The following PARVB variants were observed in gnomAD, a reference collection of about 807,000 sequenced individuals.
PARVB encodes the protein beta-parvin.
A neutral mutation model predicts 47.0 loss-of-function variants in PARVB; 46 were observed. The observed-to-expected ratio is 0.98, with a 90% CI of 0.77 to 1.25. The LOEUF (loss-of-function observed/expected upper bound fraction) is 1.25. Among genes scored for constraint, PARVB ranks in the 50% most tolerant of loss-of-function variants. PARVB has a pLI of 0.00. For missense variants in PARVB, 473 were observed against 471.6 expected (o/e 1.00, Z -0.03); for synonymous variants, 196 against 196.3 (o/e 1.00, Z 0.01).
intron 1 of PARVB, among the ~76,000 whole-genome samples, chr22:44,025,460 G>A (rs1443275472): frequency 1.3e-5 from 2 of 152,118 alleles, no homozygotes; most frequent in East Asian, 3.9e-4. Flanking sequence ...GTGCCCCCAT[G>A]CACCTGCTCC....
In PARVB at chr22:44,139,774, C is replaced by T. The variant is rs753900213; in HGVS notation, c.693-350C>T. On this transcript the variant is annotated intron_variant, in intron 7 of 12. Transcript: ENST00000338758. The stretch of plus-strand genomic sequence containing the variant: ...CCCAGCCTGTGTTTTGAGCGTTCCA[C>T]GGCTGCTGGAAGACCTGTTGTCTGC... 4.7e-5 allele frequency: 14 copies of T among 294,976 alleles called. No individual in the cohort carries two copies. The East Asian group carries it at 5.1e-4, about 11-fold the overall frequency. The allele number at this position is 294,976 out of a possible 1,614,324, so 18.3% of individuals were successfully genotyped here. A position where few individuals can be genotyped will look rare whatever the true frequency, so the allele number is the denominator to read the frequency against.
Position 44,131,585 on chromosome 22 carries a change from C to T in PARVB, c.475C>T (p.Leu159=). The change falls in exon 5 of 13, where the codon CTG becomes TTG. Residue 159 remains leucine, a synonymous_variant. Coordinates refer to ENST00000338758, the MANE Select transcript of PARVB (RefSeq NM_013327.5). The part of the protein sequence containing the change: ...LQTVLEAVHD[L]LRPRGWALRW... ...GACGGTGCTGGAAGCAGTACATGACCTGCTGCGGCCCCGAGGCTGGGCGCT... is the reference window on the plus strand; with the variant it reads ...GACGGTGCTGGAAGCAGTACATGACTTGCTGCGGCCCCGAGGCTGGGCGCT... 1.2e-6 allele frequency: 2 copies of T among 1,614,138 alleles called. No homozygotes were observed. The highest frequency in any genetic ancestry group is 1.7e-5 in the Admixed American group (1 of 60,018).
At chr22:44,027,073 G>T (rs2050742991) in intron 1 of PARVB, among the ~76,000 whole-genome samples, 1 of 152,066 alleles carries the variant, frequency 6.6e-6, no homozygotes, top group Non-Finnish European at 1.5e-5. Context: ...GGCGTGTCAC[G>T]TGGTGGCCTG....
intron 1 of PARVB, among the ~76,000 whole-genome samples, chr22:44,078,165 AG>A (rs2051820084): frequency 1.3e-5 from 2 of 152,166 alleles, no homozygotes; most frequent in South Asian, 4.1e-4. Context: ...TCCTTAGCTC[AG>A]GCAAGCTACT....
chr22:44,036,261 A>C (rs1277061682), intron 1 of PARVB, among the ~76,000 whole-genome samples: 1 of 152,212 alleles, frequency 6.6e-6, no homozygotes, highest in East Asian at 1.9e-4. Flanking sequence ...TCTCAAAAAA[A>C]TAAAATAAAT....
chr22:44,105,116 CAG>C (rs773641511), intron 3 of PARVB: 1 of 152,234 alleles, frequency 6.6e-6, no homozygotes, highest in Non-Finnish European at 1.5e-5. Context: ...CCTCCGTGTC[CAG>C]AGTTTCTGCT....
intron 1 of PARVB, among the ~76,000 whole-genome samples, chr22:44,051,004 G>T (rs911350594): frequency 1.3e-5 from 2 of 152,168 alleles, no homozygotes; most frequent in Admixed American, 1.3e-4. Flanking sequence ...GGCACTGGGC[G>T]CCTAGCTCCT....
At chr22:44,013,669 G>C (rs751139303) in intron 2 of PARVB, among the ~76,000 whole-genome samples, 1 of 152,042 alleles carries the variant, frequency 6.6e-6, no homozygotes, top group Non-Finnish European at 1.5e-5. Flanking sequence ...GTCTCACTCT[G>C]TCTCCCAGGC....
chr22:44,087,470 G>A (rs1344891799), intron 1 of PARVB, among the ~76,000 whole-genome samples: 1 of 152,190 alleles, frequency 6.6e-6, no homozygotes, highest in African/African-American at 2.4e-5. Flanking sequence ...TGATTGCAGG[G>A]GCGCCTTGCC....
intron 2 of PARVB, among the ~76,000 whole-genome samples, chr22:44,017,600 C>T (rs1049578130): frequency 2.6e-5 from 4 of 152,156 alleles, no homozygotes; most frequent in Non-Finnish European, 5.9e-5. Flanking sequence ...TTCAAATTAG[C>T]AATAACCAAA....
chr22:44,171,494 C>CAA lies in PARVB; in HGVS notation c.*2827_*2828dup, dbSNP rs112562506. ...TGAGCAACAGAGTGAGACTCTGTCT[C>CAA]AAAAAAAAAAAAGAAAGAAAAAAGA... On this transcript the variant is annotated 3_prime_UTR_variant, in exon 13 of 13. Transcript: ENST00000338758. 53,971 of 138,852 alleles carry CAA rather than the reference C, an allele frequency of 0.39. 11,267 individuals are homozygous for CAA. The highest frequency in any genetic ancestry group is 0.53 in the African/African-American group (19,915 of 37,422). 8.6% of individuals were successfully genotyped at this position (138,852 alleles called of 1,614,324 possible). A position where few individuals can be genotyped will look rare whatever the true frequency, so the allele number is the denominator to read the frequency against.
intron 8 of PARVB, chr22:44,144,783 A>C (rs928940919): frequency 2.6e-5 from 4 of 152,332 alleles, no homozygotes; most frequent in Non-Finnish European, 5.9e-5. Context: ...TGACAGAGTG[A>C]GACTCTGTCT....
At chr22:44,016,099 CT>C (rs562590606) in intron 2 of PARVB, among the ~76,000 whole-genome samples, 76 of 129,138 alleles carry the variant, frequency 5.9e-4, no homozygotes, top group Non-Finnish European at 8.8e-4. Context: ...TTCTTTCTTT[CT>C]TTTTTTTTTT....
intron 1 of PARVB, among the ~76,000 whole-genome samples, chr22:44,041,416 C>T (rs983909396): frequency 3.3e-5 from 5 of 152,026 alleles, no homozygotes; most frequent in South Asian, 2.1e-4. Flanking sequence ...CGCTTGAACC[C>T]GGGAGGTGGA....
At chr22:44,054,683 C>T (rs1329554607) in intron 1 of PARVB, among the ~76,000 whole-genome samples, 4 of 152,054 alleles carry the variant, frequency 2.6e-5, no homozygotes, top group African/African-American at 9.7e-5. Context: ...GCCACTGAAC[C>T]GTACACTTAA....
At chr22:44,079,738 G>A (rs1455273211) in intron 1 of PARVB, among the ~76,000 whole-genome samples, 1 of 152,156 alleles carries the variant, frequency 6.6e-6, no homozygotes, top group African/African-American at 2.4e-5. Flanking sequence ...GACCAGCCTG[G>A]CCAACATGGT....
intron 5 of PARVB, among the ~76,000 whole-genome samples, chr22:44,132,326 C>T (rs1424919229): frequency 3.3e-5 from 5 of 152,140 alleles, no homozygotes; most frequent in Admixed American, 2.0e-4. Flanking sequence ...GGTGGGGAAT[C>T]GGGTGCCTTG....
chr22:44,075,766 G>A (rs2051757694), intron 1 of PARVB, among the ~76,000 whole-genome samples: 8 of 152,238 alleles, frequency 5.3e-5, no homozygotes. Flanking sequence ...TTTCACAGCT[G>A]ACGGCGCGTT....
At chr22:44,151,271 C>T (rs984334800) in intron 9 of PARVB, 8 of 523,944 alleles carry the variant, frequency 1.5e-5, no homozygotes, top group East Asian at 3.3e-5. Context: ...TGAGCAGAGA[C>T]GTGTAGCCAG....
Sources: allele counts gnomAD v4.1 joint callset (sites outside exome capture counted in the v4.1 genomes callset), GRCh38; gene constraint gnomAD v4.1.1; transcripts MANE v1.5; gene names NCBI Gene and HGNC (gene_info 2026-07-23, HGNC 2026-07-21).